NCOA1: variants seen among roughly 807,000 people sequenced by gnomAD.
NCOA1 encodes Hin-2 protein.
In NCOA1, 35 loss-of-function variants were observed where a neutral mutation model predicts 150.9. The observed-to-expected ratio is 0.23, with a 90% confidence interval of 0.18 to 0.31. The LOEUF (loss-of-function observed/expected upper bound fraction) is 0.31, where lower values mean the gene tolerates loss of function less well. Among genes scored for constraint, NCOA1 ranks in the 10% least tolerant of loss-of-function variants. NCOA1 has a pLI of 1.00. For missense variants in NCOA1, 1,491 were observed against 1,749.3 expected (o/e 0.85, Z 2.63); for synonymous variants, 590 against 630.0 (o/e 0.94, Z 0.95).
chr2:24,645,426 C>T (rs1376544682), intron 4 of NCOA1, among the ~76,000 whole-genome samples: 2 of 148,066 alleles, frequency 1.4e-5, no homozygotes, highest in African/African-American at 2.5e-5. Flanking sequence ...TGGCGAATGG[C>T]GTGAACCTGG....
At chr2:24,736,621 T>G (rs1342885658) in intron 17 of NCOA1, among the ~76,000 whole-genome samples, 1 of 152,234 alleles carries the variant, frequency 6.6e-6, no homozygotes, top group Non-Finnish European at 1.5e-5. Context: ...GACAATAAGT[T>G]TCTTTAAAGA....
chr2:24,692,603 A>G (rs932635394), intron 9 of NCOA1, among the ~76,000 whole-genome samples: 5 of 152,232 alleles, frequency 3.3e-5, no homozygotes, highest in African/African-American at 1.2e-4. Context: ...AATTGACTAC[A>G]AAACTGTATT....
intron 1 of NCOA1, among the ~76,000 whole-genome samples, chr2:24,535,550 G>A (rs896920561): frequency 1.3e-5 from 2 of 152,114 alleles, no homozygotes; most frequent in Admixed American, 1.3e-4. Context: ...AGCATTGCTG[G>A]TCTTTATAAT....
chr2:24,686,905 T>C (rs946656002), intron 8 of NCOA1, among the ~76,000 whole-genome samples: 7 of 152,206 alleles, frequency 4.6e-5, no homozygotes, highest in Non-Finnish European at 1.0e-4. Flanking sequence ...AGAATGACTT[T>C]AGTTTCTTTA....
At chr2:24,729,843 C>CTTT in intron 17 of NCOA1, 28 bp downstream of exon 17, 2 of 1,346,342 alleles carry the variant, frequency 1.5e-6, no homozygotes, top group Non-Finnish European at 2.0e-6. Context: ...GCAGTTGATA[C>CTTT]TTTTTTTTTT....
chr2:24,695,620 AC>A (rs1672864377), intron 10 of NCOA1, among the ~76,000 whole-genome samples: 1 of 152,222 alleles, frequency 6.6e-6, no homozygotes, highest in South Asian at 2.1e-4. Flanking sequence ...TTTTTGTAGT[AC>A]TTTTTAACTC....
intron 13 of NCOA1, among the ~76,000 whole-genome samples, chr2:24,708,611 C>G (rs1673579368): frequency 6.6e-6 from 1 of 151,994 alleles, no homozygotes; most frequent in Non-Finnish European, 1.5e-5. Flanking sequence ...AAAATATGGC[C>G]CTTCCTAGGA....
At chr2:24,576,664 C>T (rs1667004989) in intron 2 of NCOA1, among the ~76,000 whole-genome samples, 1 of 152,170 alleles carries the variant, frequency 6.6e-6, no homozygotes, top group South Asian at 2.1e-4. Context: ...ACTTCTCCTC[C>T]TCCTTTTTCT....
At chr2:24,710,338 C>T (rs1158427122) in intron 13 of NCOA1, among the ~76,000 whole-genome samples, 5 of 152,002 alleles carry the variant, frequency 3.3e-5, no homozygotes, top group African/African-American at 4.8e-5. Flanking sequence ...GTGATCCACC[C>T]GCCTCAGCCT....
At chr2:24,610,993 G>T (rs80211630) in intron 3 of NCOA1, among the ~76,000 whole-genome samples, 1 of 152,050 alleles carries the variant, frequency 6.6e-6, no homozygotes, top group African/African-American at 2.4e-5. Context: ...ACATGTACAG[G>T]TTTGTTACAT....
At chr2:24,755,574 A>G (rs1664456537) in intron 20 of NCOA1, among the ~76,000 whole-genome samples, 1 of 152,234 alleles carries the variant, frequency 6.6e-6, no homozygotes, top group Non-Finnish European at 1.5e-5. Flanking sequence ...CAAAGCAGGC[A>G]GGAAAGCAGA....
intron 1 of NCOA1, among the ~76,000 whole-genome samples, chr2:24,536,530 T>A (rs181449100): frequency 2.0e-5 from 3 of 152,106 alleles, no homozygotes; most frequent in South Asian, 2.1e-4. Context: ...AGAAGAAGAG[T>A]CGCTCTGGTT....
Position 24,532,946 on chromosome 2 carries a change from G to A in NCOA1, c.-395-31349G>A, listed in dbSNP as rs559992520. ...TCTTGGCATTGTGGGCTCTTTTTTGGTTCCATATGAACTTCAAAGTAGTTT... is the reference window on the plus strand; with the variant it reads ...TCTTGGCATTGTGGGCTCTTTTTTGATTCCATATGAACTTCAAAGTAGTTT... On this transcript the variant is annotated intron_variant, in intron 1 of 22. Transcript: ENST00000348332. Among the ~76,000 whole-genome samples, 3 of 152,216 alleles carry A rather than the reference G, an allele frequency of 2.0e-5. No individual in the cohort carries two copies. In the South Asian group the frequency reaches 6.2e-4, roughly 32 times the overall value.
Position 24,741,982 on chromosome 2 carries a change from C to A in NCOA1, c.3502C>A (p.Pro1168Thr). 6.2e-7 allele frequency: 1 copy of A among 1,614,184 alleles called. No individual in the cohort carries two copies. Among genetic ancestry groups the A allele is most frequent in the Non-Finnish European group, 8.5e-7 (1 of 1,180,022 alleles). ...RLPQGAPQQFPYPPNYGTNPG... is the reference protein window; with the variant it reads ...RLPQGAPQQFTYPPNYGTNPG... ...TCCTCAGGGTGCTCCACAGCAATTC[C>A]CCTATCCACCAAACTATGGTACAAA... Residue 1168 changes from proline (P) to threonine (T), a missense_variant, in exon 19 of 23, where the codon CCC becomes ACC. By Grantham distance (38) the Pro-to-Thr change is conservative (BLOSUM62 -1). Transcript: ENST00000348332.
chr2:24,711,075 C>G lies in NCOA1; in HGVS notation c.2563C>G (p.Gln855Glu), dbSNP rs747348745. Residue 855 changes from glutamine (Q) to glutamate (E), a missense_variant, in exon 14 of 23, where the codon CAG (glutamine) becomes GAG (glutamate). Gln to Glu is a conservative substitution (Grantham distance 29). Transcript: ENST00000348332. ...IKSEILPASL[Q>E]SATARPTSRL... ...ATCGGAGATCCTGCCAGCTTCACTT[C>G]AGTCCGCCACTGCCAGACCCACTTC... 1 of 1,614,118 alleles carries G rather than the reference C, an allele frequency of 6.2e-7. No individual in the cohort carries two copies. Among genetic ancestry groups the G allele is most frequent in the Non-Finnish European group, 8.5e-7 (1 of 1,179,990 alleles).
At chr2:24,587,687 C>A (rs1396353439) in intron 3 of NCOA1, among the ~76,000 whole-genome samples, 1 of 152,168 alleles carries the variant, frequency 6.6e-6, no homozygotes, top group Non-Finnish European at 1.5e-5. Context: ...TGTGTCTCTA[C>A]TTCTACACTT....
rs114821271 is a variant in NCOA1, at chr2:24,555,845, T to A, written c.-395-8450T>A. Among the ~76,000 whole-genome samples, 1,151 of 152,366 alleles carry A rather than the reference T, an allele frequency of 7.6e-3. 11 individuals are homozygous for A. The highest frequency in any genetic ancestry group is 0.024 in the African/African-American group (993 of 41,582). ...TAAAGTGGGTACCTTGTAGATAGGA[T>A]GTAGTTGGATCTTGTTTTAAACATT... On this transcript the variant is annotated intron_variant, in intron 1 of 22. Transcript: ENST00000348332.
rs139055379 is a variant in NCOA1 at position 24,553,724 on chromosome 2, G to A, written c.-395-10571G>A. ...ATATTTTCCATCTATGTTCATCAAA[G>A]TATGATGGTCTGTAGTTTTCTTGTA... On this transcript the variant is annotated intron_variant, in intron 1 of 22. Transcript: ENST00000348332. Among the ~76,000 whole-genome samples, 982 of 152,272 alleles carry A rather than the reference G, an allele frequency of 6.4e-3. 12 individuals carry two copies. The highest frequency in any genetic ancestry group is 0.022 in the African/African-American group (901 of 41,544).
At position 24,729,515 on chromosome 2, in the gene NCOA1, T is replaced by G. The variant is rs1263434768; in HGVS notation, c.2901T>G (p.Asp967Glu). 3 of 1,613,656 alleles carry G rather than the reference T, an allele frequency of 1.9e-6. No individual in the cohort carries two copies. The highest frequency in any genetic ancestry group is 2.5e-6 in the Non-Finnish European group (3 of 1,179,656). The change falls in exon 17 of 23, where the codon GAT (aspartate) becomes GAG (glutamate). Residue 967 changes from aspartate to glutamate, a missense_variant. Asp to Glu is a conservative substitution (Grantham distance 45). This residue lies in a region of NCOA1 where 485 missense variants were observed against 522.8 expected (regional missense o/e 0.93). Coordinates refer to ENST00000348332, the MANE Select transcript of NCOA1 (RefSeq NM_003743.5). ...IDKLVQGGGL[D>E]VLSERFPPQQ... is the part of the protein sequence containing the mutation. Reference sequence around the variant, plus strand: ...TTTTCTAACAGGGGGGTGGATTAGATGTATTATCAGAGAGATTTCCACCAC... The same window carrying G: ...TTTTCTAACAGGGGGGTGGATTAGAGGTATTATCAGAGAGATTTCCACCAC...
Sources: allele counts gnomAD v4.1 joint callset (sites outside exome capture counted in the v4.1 genomes callset), GRCh38; gene constraint gnomAD v4.1.1; regional missense constraint gnomAD v4.1.1; transcripts MANE v1.5; gene names NCBI Gene and HGNC (gene_info 2026-07-23, HGNC 2026-07-21).